Variants in SLC30A8 observed in about 807,000 individuals in gnomAD.
The protein encoded by SLC30A8 is solute carrier family 30 member 8.
Under a neutral mutation model 36.9 loss-of-function variants are expected in SLC30A8, and 27 were observed. That is an observed-to-expected ratio of 0.73 (90% CI 0.54 to 1.01). The LOEUF (loss-of-function observed/expected upper bound fraction) is 1.01. Among genes scored for constraint, SLC30A8 ranks in the 50% least tolerant of loss-of-function variants. SLC30A8 has a pLI of 0.00. For synonymous variants in SLC30A8, 164 were observed against 172.4 expected, an observed-to-expected ratio of 0.95 and a Z score of 0.38; for missense variants, 439 against 452.0, an observed-to-expected ratio of 0.97 and a Z score of 0.26.
chr8:117,165,818 G>A (rs1182857210), intron 6 of SLC30A8, among the ~76,000 whole-genome samples: 2 of 152,186 alleles, frequency 1.3e-5, no homozygotes, highest in Non-Finnish European at 2.9e-5. Flanking sequence ...ATGAAATCCT[G>A]TTATTTGCAG....
chr8:117,035,537 T>C (rs963001495), intron 1 of SLC30A8, among the ~76,000 whole-genome samples: 1 of 152,200 alleles, frequency 6.6e-6, no homozygotes, highest in Non-Finnish European at 1.5e-5. Flanking sequence ...AGGTGCAGGG[T>C]GCAAGCTGTC....
At chr8:116,955,897 G>T (rs1245448633) in intron 1 of SLC30A8, among the ~76,000 whole-genome samples, 1 of 152,086 alleles carries the variant, frequency 6.6e-6, no homozygotes, top group Non-Finnish European at 1.5e-5. Flanking sequence ...AACTGTGAGA[G>T]AAAAAATTTC....
At position 116,992,510 on chromosome 8, in the gene SLC30A8, GA is replaced by G. The variant is rs34400526; in HGVS notation, c.-266+41401del. Among the ~76,000 whole-genome samples, 18 of 148,818 alleles carry G rather than the reference GA, an allele frequency of 1.2e-4. No individual in the cohort carries two copies. The Middle Eastern group carries it at 0.017, about 145-fold the overall frequency. Reference sequence around the variant, plus strand: ...ACACAATATGAGACTTAGAAGTTAAGAAAAAAAAAAGTGCTGTGTTGAAGCT... The same window carrying G: ...ACACAATATGAGACTTAGAAGTTAAGAAAAAAAAAGTGCTGTGTTGAAGCT... On this transcript the variant is annotated intron_variant, in intron 1 of 10. Transcript: ENST00000427715.
At chr8:116,972,958 G>T (rs775593839) in intron 1 of SLC30A8, among the ~76,000 whole-genome samples, 1 of 152,114 alleles carries the variant, frequency 6.6e-6, no homozygotes, top group African/African-American at 2.4e-5. Context: ...TTCATTTGTT[G>T]AAACCATCCC....
chr8:117,102,969 C>A (rs1819793487), intron 2 of SLC30A8, among the ~76,000 whole-genome samples: 1 of 152,094 alleles, frequency 6.6e-6, no homozygotes, highest in Admixed American at 6.6e-5. Context: ...TTCCTATGTG[C>A]AAAATACATT....
intron 1 of SLC30A8, among the ~76,000 whole-genome samples, chr8:117,014,647 G>A (rs1816452807): frequency 1.3e-5 from 2 of 152,182 alleles, no homozygotes; most frequent in Admixed American, 6.5e-5. Flanking sequence ...ACTTACTGAT[G>A]TCTTATCTCA....
At chr8:117,080,274 G>C (rs1332168925) in intron 2 of SLC30A8, among the ~76,000 whole-genome samples, 1 of 151,956 alleles carries the variant, frequency 6.6e-6, no homozygotes, top group Non-Finnish European at 1.5e-5. Flanking sequence ...CCACTTTCTT[G>C]AAATAACTAC....
chr8:116,979,480 C>T (rs1292310695), intron 1 of SLC30A8, among the ~76,000 whole-genome samples: 7 of 152,106 alleles, frequency 4.6e-5, no homozygotes, highest in South Asian at 4.1e-4. Flanking sequence ...TAGATAGGAC[C>T]GGAGATTAGT....
chr8:117,066,048 G>A (rs1310129744), intron 2 of SLC30A8, among the ~76,000 whole-genome samples: 1 of 152,140 alleles, frequency 6.6e-6, no homozygotes, highest in Non-Finnish European at 1.5e-5. Context: ...GGAACACACA[G>A]GAAGGTTTTT....
At chr8:116,971,212 C>T (rs1218516644) in intron 1 of SLC30A8, among the ~76,000 whole-genome samples, 4 of 152,142 alleles carry the variant, frequency 2.6e-5, no homozygotes, top group Middle Eastern at 3.4e-3. Flanking sequence ...CACCATGGCA[C>T]GTGTTTACCT....
At chr8:117,024,311 T>C (rs1816802743) in intron 1 of SLC30A8, among the ~76,000 whole-genome samples, 1 of 152,270 alleles carries the variant, frequency 6.6e-6, no homozygotes, top group Non-Finnish European at 1.5e-5. Flanking sequence ...AATTTTCCTT[T>C]TGGAGTTTCG....
chr8:117,099,310 T>C (rs1263001391), intron 2 of SLC30A8, among the ~76,000 whole-genome samples: 1 of 152,136 alleles, frequency 6.6e-6, no homozygotes, highest in African/African-American at 2.4e-5. Context: ...CTTCTCATTG[T>C]TATTCAGGTC....
intron 6 of SLC30A8, among the ~76,000 whole-genome samples, chr8:117,167,534 G>C (rs578002117): frequency 7.0e-6 from 1 of 142,624 alleles, no homozygotes; most frequent in Non-Finnish European, 1.6e-5. Flanking sequence ...TGATGTAAGT[G>C]TGTACCTTTT....
chr8:116,968,860 C>A (rs534669941), intron 1 of SLC30A8, among the ~76,000 whole-genome samples: 1 of 152,206 alleles, frequency 6.6e-6, no homozygotes, highest in South Asian at 2.1e-4. Context: ...CCTCAGCCTC[C>A]TAAGTAGCTG....
chr8:117,083,529 A>G (rs1470014432), intron 2 of SLC30A8, among the ~76,000 whole-genome samples: 1 of 152,198 alleles, frequency 6.6e-6, no homozygotes, highest in Middle Eastern at 3.2e-3. Context: ...CATACATAGT[A>G]AGTAGTTCAA....
chr8:117,095,419 T>C (rs952068156), intron 2 of SLC30A8, among the ~76,000 whole-genome samples: 1 of 152,136 alleles, frequency 6.6e-6, no homozygotes, highest in African/African-American at 2.4e-5. Flanking sequence ...AGTGTTACTT[T>C]TAGTAACACT....
chr8:117,047,725 G>A (rs1817595734), intron 2 of SLC30A8, among the ~76,000 whole-genome samples: 3 of 152,148 alleles, frequency 2.0e-5, no homozygotes, highest in Admixed American at 6.5e-5. Flanking sequence ...TTAAAATGAG[G>A]CTGAAACCTA....
In SLC30A8 at chr8:117,153,003, C is replaced by T. The variant is rs867843501; in HGVS notation, c.331C>T (p.Leu111=). Residue 111 remains leucine (L), a synonymous_variant, in exon 3 of 8, where the codon CTG becomes TTG. Coordinates refer to ENST00000456015, the MANE Select transcript of SLC30A8 (RefSeq NM_173851.3). ...AGATGCTGCCCACCTCTTAATTGACCTGACCAGTTTCCTGCTCAGTCTCTT... is the reference window on the plus strand; with the variant it reads ...AGATGCTGCCCACCTCTTAATTGACTTGACCAGTTTCCTGCTCAGTCTCTT... The part of the protein sequence containing the change: ...VTDAAHLLID[L]TSFLLSLFSL... The T allele has an allele frequency of 1.9e-6, 3 of 1,613,486 alleles. No homozygotes were observed. In the African/African-American group the frequency reaches 4.0e-5, roughly 22 times the overall value.
intron 1 of SLC30A8, among the ~76,000 whole-genome samples, chr8:116,969,137 G>C (rs984975886): frequency 2.0e-5 from 3 of 152,146 alleles, no homozygotes; most frequent in African/African-American, 7.2e-5. Flanking sequence ...AGAACTCGGG[G>C]CTTGACATGG....
Sources: gnomAD v4.1 joint callset for allele counts (sites outside exome capture counted in the v4.1 genomes callset) on GRCh38, gnomAD v4.1.1 for gene constraint, MANE v1.5 for transcripts, NCBI Gene and HGNC (gene_info 2026-07-23, HGNC 2026-07-21) for gene names.